Variants in TCEA1 observed in about 807,000 individuals in gnomAD.
TCEA1 encodes transcription elongation factor A1.
In TCEA1, 21 loss-of-function variants were observed where a neutral mutation model predicts 43.8. That is an observed-to-expected ratio of 0.48 (90% CI 0.34 to 0.69). The LOEUF (loss-of-function observed/expected upper bound fraction) is 0.69. TCEA1 is among the 30% of genes least tolerant of loss of function. The pLI, the probability that TCEA1 is intolerant of heterozygous loss-of-function variation, is 0.01. For missense variants in TCEA1, 250 were observed against 365.1 expected (o/e 0.68, Z 2.57); for synonymous variants, 104 against 117.5 (o/e 0.88, Z 0.75).
chr8:54,013,309 T>C (rs1462383176), intron 1 of TCEA1, among the ~76,000 whole-genome samples: 1 of 152,210 alleles, frequency 6.6e-6, no homozygotes, highest in Non-Finnish European at 1.5e-5. Context: ...AACTATGACC[T>C]TTCTGAAAAC....
chr8:53,974,539 G>A (rs1162816687), intron 8 of TCEA1, among the ~76,000 whole-genome samples: 29 of 136,836 alleles, frequency 2.1e-4, no homozygotes, highest in Non-Finnish European at 3.6e-4. Context: ...GGGTGGGGGT[G>A]GGGGGGGGAC....
At chr8:53,975,454 A>G (rs1478227657) in intron 8 of TCEA1, among the ~76,000 whole-genome samples, 2 of 152,222 alleles carry the variant, frequency 1.3e-5, no homozygotes, top group African/African-American at 4.8e-5. Context: ...AGTTCACAGT[A>G]GCATTATTCA....
chr8:54,004,393 T>C (rs1804372210), intron 2 of TCEA1, among the ~76,000 whole-genome samples: 1 of 152,144 alleles, frequency 6.6e-6, no homozygotes, highest in Non-Finnish European at 1.5e-5. Flanking sequence ...ACCTGACAAA[T>C]GGATAAACAA....
chr8:54,001,510 C>T (rs1228974887), intron 2 of TCEA1, among the ~76,000 whole-genome samples: 5 of 152,086 alleles, frequency 3.3e-5, no homozygotes, highest in African/African-American at 4.8e-5. Flanking sequence ...AATTTTAAAG[C>T]CCCAAACAAT....
chr8:53,991,716 T>A (rs974713254), intron 4 of TCEA1, among the ~76,000 whole-genome samples: 2 of 151,098 alleles, frequency 1.3e-5, no homozygotes, highest in Non-Finnish European at 2.9e-5. Context: ...ATAATAATAA[T>A]AAAATAATAA....
At position 54,021,917 on chromosome 8, in the gene TCEA1, C is replaced by A. The variant is rs534090308; in HGVS notation, c.63+146G>T. On this transcript the variant is annotated intron_variant, in intron 1 of 9. Transcript: ENST00000521604. ...GACCCGACGCCCCGGGCCCGGACAC[C>A]CTCCCCGGGGACGCGGGCGCGGCGG... 61 of 722,464 alleles carry A rather than the reference C, an allele frequency of 8.4e-5. No homozygotes were observed. The African/African-American group carries it at 1.1e-3, about 13-fold the overall frequency. 44.8% of individuals were successfully genotyped at this position (722,464 alleles called of 1,614,324 possible).
rs1223036588 is a variant in TCEA1, at chr8:53,967,531, AAAT to A, written c.*570_*572del. 2 of 199,394 alleles carry A rather than the reference AAAT, an allele frequency of 1.0e-5. No homozygotes were observed. The highest frequency in any genetic ancestry group is 4.6e-5 in the African/African-American group (2 of 43,492). The allele number at this position is 199,394 out of a possible 1,614,324, so 12.4% of individuals were successfully genotyped here. A position where few individuals can be genotyped will look rare whatever the true frequency, so the allele number is the denominator to read the frequency against. ...ATGATCACGGTTAGTTACAGATGCA[AAAT>A]AATATCTAATATTCCAAGCTTGTGA... On this transcript the variant is annotated 3_prime_UTR_variant, in exon 10 of 10. Transcript: ENST00000521604.
intron 1 of TCEA1, among the ~76,000 whole-genome samples, chr8:54,019,065 G>A (rs1289174831): frequency 3.3e-5 from 5 of 152,156 alleles, no homozygotes; most frequent in Admixed American, 3.3e-4. Flanking sequence ...AGGAATAAAT[G>A]GGATAAGGTG....
intron 2 of TCEA1, among the ~76,000 whole-genome samples, chr8:54,007,544 A>G (rs1259662769): frequency 6.6e-6 from 1 of 152,224 alleles, no homozygotes; most frequent in Non-Finnish European, 1.5e-5. Context: ...AGCAATTTCA[A>G]TACTTTTACA....
chr8:53,967,732 C>T lies in TCEA1; in HGVS notation c.*372G>A, dbSNP rs1340058329. ...GCCAATATGGAAAAAAATGTATTTT[C>T]ATTTATGTATTAATAACAGAGAGTA... On this transcript the variant is annotated 3_prime_UTR_variant, in exon 10 of 10. Transcript: ENST00000521604. 1 of 232,102 alleles carries T rather than the reference C, an allele frequency of 4.3e-6. No individual in the cohort carries two copies. Among genetic ancestry groups the T allele is most frequent in the Non-Finnish European group, 8.4e-6 (1 of 118,506 alleles). The allele number at this position is 232,102 out of a possible 1,614,324, so 14.4% of individuals were successfully genotyped here. A position where few individuals can be genotyped will look rare whatever the true frequency, so the allele number is the denominator to read the frequency against.
At chr8:53,991,267 C>T (rs1185369333) in intron 4 of TCEA1, among the ~76,000 whole-genome samples, 2 of 151,836 alleles carry the variant, frequency 1.3e-5, no homozygotes, top group Non-Finnish European at 2.9e-5. Flanking sequence ...TTGACGTGCA[C>T]CTCTAATCCC....
At position 54,016,455 on chromosome 8, in the gene TCEA1, G is replaced by A. The variant is rs972660744; in HGVS notation, c.63+5608C>T. Reference sequence around the variant, plus strand: ...TGCACTCCAGCCGGGGTGACAGAGCGAGACACTTGTACAGCAATGTTTTTA... The same window carrying A: ...TGCACTCCAGCCGGGGTGACAGAGCAAGACACTTGTACAGCAATGTTTTTA... On this transcript the variant is annotated intron_variant, in intron 1 of 9. Transcript: ENST00000521604. Among the ~76,000 whole-genome samples the A allele has an allele frequency of 2.6e-5, 4 of 151,816 alleles. No individual in the cohort carries two copies. The South Asian group carries it at 6.3e-4, about 24-fold the overall frequency.
At chr8:53,991,364 G>A (rs193270219) in intron 4 of TCEA1, among the ~76,000 whole-genome samples, 44 of 151,750 alleles carry the variant, frequency 2.9e-4, no homozygotes, top group Admixed American at 2.3e-3. Context: ...CTGCATTCCA[G>A]CCTGGGCAAC....
intron 1 of TCEA1, among the ~76,000 whole-genome samples, chr8:54,014,990 G>C (rs1160021158): frequency 6.6e-6 from 1 of 152,102 alleles, no homozygotes; most frequent in African/African-American, 2.4e-5. Flanking sequence ...TGGTTGATGA[G>C]GAGTACAAAA....
chr8:53,972,814 A>G, intron 8 of TCEA1: 1 of 722,878 alleles, frequency 1.4e-6, no homozygotes, highest in Non-Finnish European at 2.6e-6. Flanking sequence ...ATTTATGAGG[A>G]TTGTGGTGGC....
intron 3 of TCEA1, chr8:53,999,704 T>C (rs949304288): frequency 1.2e-5 from 5 of 405,158 alleles, no homozygotes; most frequent in African/African-American, 1.0e-4. Flanking sequence ...AAATTCTTCT[T>C]ACTGAAAGAG....
At chr8:53,983,227 T>C (rs1199814445) in intron 7 of TCEA1, among the ~76,000 whole-genome samples, 4 of 152,324 alleles carry the variant, frequency 2.6e-5, no homozygotes, top group Admixed American at 2.0e-4. Context: ...ATTGTACATT[T>C]AGTAGATTAT....
At chr8:53,979,978 C>T (rs1803452561) in intron 7 of TCEA1, among the ~76,000 whole-genome samples, 1 of 152,162 alleles carries the variant, frequency 6.6e-6, no homozygotes, top group South Asian at 2.1e-4. Context: ...CCCTAACCTC[C>T]AAGTCTTCAG....
intron 1 of TCEA1, among the ~76,000 whole-genome samples, chr8:54,019,583 A>C (rs2129315615): frequency 6.6e-6 from 1 of 152,082 alleles, no homozygotes; most frequent in Middle Eastern, 3.4e-3. Context: ...AAAAAAAAAA[A>C]AGTTAACTTT....
Sources: gnomAD v4.1 joint callset for allele counts (sites outside exome capture counted in the v4.1 genomes callset) on GRCh38, gnomAD v4.1.1 for gene constraint, MANE v1.5 for transcripts, NCBI Gene and HGNC (gene_info 2026-07-23, HGNC 2026-07-21) for gene names.